Variants in DNAAF10 observed in about 807,000 individuals in gnomAD.
DNAAF10 encodes the protein WD repeat domain 92.
Under a neutral mutation model 43.7 loss-of-function variants are expected in DNAAF10, and 28 were observed. That is an observed-to-expected ratio of 0.64 (90% CI 0.48 to 0.88). The LOEUF is 0.88. DNAAF10 is among the 40% of genes least tolerant of loss of function. DNAAF10 has a pLI of 0.00. For synonymous variants in DNAAF10, 156 were observed against 157.3 expected, an observed-to-expected ratio of 0.99 and a Z score of 0.06; for missense variants, 403 against 439.1, an observed-to-expected ratio of 0.92 and a Z score of 0.73.
rs1673516616 is a variant in DNAAF10 at position 68,153,801 on chromosome 2, G to A, written c.183+3460C>T. 2.1e-5 allele frequency among the ~76,000 whole-genome samples: 3 copies of A among 142,350 alleles called. No individual in the cohort carries two copies. In the Admixed American group the frequency reaches 2.2e-4, roughly 10 times the overall value. 93.4% of individuals were successfully genotyped at this position (142,350 alleles called of 152,430 possible). ...AGAGTCTTCCTCTGTCTTCAGGCTG[G>A]AGTGCAATGGCGCGATCTCGGCTCA... is the stretch of plus-strand genomic sequence containing the variant. On this transcript the variant is annotated intron_variant, in intron 1 of 7. Coordinates refer to ENST00000295121, the MANE Select transcript of DNAAF10 (RefSeq NM_138458.4).
chr2:68,147,546 T>G lies in DNAAF10; in HGVS notation c.205A>C (p.Lys69Gln), dbSNP rs1673348662. 3 of 1,611,510 alleles carry G rather than the reference T, an allele frequency of 1.9e-6. No individual in the cohort carries two copies. The highest frequency in any genetic ancestry group is 2.5e-6 in the Non-Finnish European group (3 of 1,178,960). ...GATGTTGCACCAAATGTTCCACATTTAATAGGTTTGGCCTTTTCAATCTTC... is the reference window on the plus strand; with the variant it reads ...GATGTTGCACCAAATGTTCCACATTGAATAGGTTTGGCCTTTTCAATCTTC... ...LREIEKAKPI[K>Q]CGTFGATSLQ... Residue 69 changes from lysine to glutamine, a missense_variant, in exon 2 of 8, where the codon AAA (lysine) becomes CAA (glutamine). Transcript: ENST00000295121.
At chr2:68,141,642 C>T (rs1026115376) in intron 4 of DNAAF10, 52 bp downstream of exon 4, 15 of 1,533,824 alleles carry the variant, frequency 9.8e-6, no homozygotes, top group East Asian at 6.8e-5. Context: ...CTTGCAGCAT[C>T]GTGCTTTTTA....
chr2:68,143,916 A>G (rs1673251149), intron 3 of DNAAF10, among the ~76,000 whole-genome samples: 1 of 152,214 alleles, frequency 6.6e-6, no homozygotes, highest in Non-Finnish European at 1.5e-5. Context: ...CCACTAGAAA[A>G]TTATATCTCA....
chr2:68,131,500 A>C, intron 7 of DNAAF10, 55 bp from the exon 8 acceptor site: 1 of 1,497,042 alleles, frequency 6.7e-7, no homozygotes, highest in South Asian at 1.1e-5. Flanking sequence ...TCACCATTTT[A>C]TTTTTATACA....
chr2:68,147,364 G>C, intron 2 of DNAAF10, 103 bp downstream of exon 2: 1 of 835,470 alleles, frequency 1.2e-6, no homozygotes, highest in East Asian at 2.7e-5. Context: ...ATGGAACATA[G>C]AAAGATTTTA....
At chr2:68,155,637 G>T (rs769859806) in intron 1 of DNAAF10, among the ~76,000 whole-genome samples, 1 of 151,934 alleles carries the variant, frequency 6.6e-6, no homozygotes, top group Non-Finnish European at 1.5e-5. Context: ...AGGCTGCGAT[G>T]AGCTATGACA....
At chr2:68,141,965 C>T (rs1673190840) in intron 3 of DNAAF10, among the ~76,000 whole-genome samples, 170 bp from the exon 4 acceptor site, 1 of 152,154 alleles carries the variant, frequency 6.6e-6, no homozygotes, top group Non-Finnish European at 1.5e-5. Context: ...TATTTAATAT[C>T]AGAGATATCA....
At chr2:68,147,318 T>C (rs1673341292) in intron 2 of DNAAF10, 149 bp downstream of exon 2, 2 of 559,450 alleles carry the variant, frequency 3.6e-6, no homozygotes, top group Non-Finnish European at 6.1e-6. Flanking sequence ...TCTAGAAATA[T>C]ATATTAGAGA....
At chr2:68,153,745 GTTTTTTT>G (rs35521976) in intron 1 of DNAAF10, among the ~76,000 whole-genome samples, 6 of 78,416 alleles carry the variant, frequency 7.7e-5, no homozygotes, top group Non-Finnish European at 9.2e-5. Context: ...ACACAATGAA[GTTTTTTT>G]TTTTTTTTTT....
At chr2:68,139,416 C>G (rs1391914455) in intron 4 of DNAAF10, among the ~76,000 whole-genome samples, 1 of 152,088 alleles carries the variant, frequency 6.6e-6, no homozygotes, top group Non-Finnish European at 1.5e-5. Context: ...AAATAAAACT[C>G]TTTTCTTTAT....
chr2:68,152,680 T>C (rs925366076), intron 1 of DNAAF10, among the ~76,000 whole-genome samples: 3 of 152,104 alleles, frequency 2.0e-5, no homozygotes, highest in African/African-American at 7.2e-5. Flanking sequence ...AAAATCAATA[T>C]ATACTAACAA....
At position 68,130,115 on chromosome 2, in the gene DNAAF10, G is replaced by GAGAGAGAGATATAT. The variant is rs1453152500; in HGVS notation, c.*1122_*1123insATATATCTCTCTCT. On this transcript the variant is annotated 3_prime_UTR_variant, in exon 8 of 8. Transcript: ENST00000295121. ...CAACCGTGCCGTTTTGAGAGAGAGAGATATATATATATATATTTGTTTTTT... is the reference window on the plus strand; with the variant it reads ...CAACCGTGCCGTTTTGAGAGAGAGAGAGAGAGAGATATATATATATATATATATATTTGTTTTTT... 1 of 132,944 alleles carries GAGAGAGAGATATAT rather than the reference G, an allele frequency of 7.5e-6. No individual in the cohort carries two copies. The highest frequency in any genetic ancestry group is 2.9e-5 in the African/African-American group (1 of 34,308). 8.2% of individuals were successfully genotyped at this position (132,944 alleles called of 1,614,324 possible). A position where few individuals can be genotyped will look rare whatever the true frequency, so the allele number is the denominator to read the frequency against.
chr2:68,142,398 A>G (rs1673206736), intron 3 of DNAAF10, among the ~76,000 whole-genome samples: 1 of 152,134 alleles, frequency 6.6e-6, no homozygotes, highest in Non-Finnish European at 1.5e-5. Context: ...CTGGGACTAC[A>G]GGCATGCACC....
chr2:68,131,398 A>G lies in DNAAF10; in HGVS notation c.914T>C (p.Met305Thr), dbSNP rs766273511. The G allele has an allele frequency of 1.2e-6, 2 of 1,614,082 alleles. No homozygotes were observed. Among genetic ancestry groups the G allele is most frequent in the South Asian group, 1.1e-5 (1 of 91,080 alleles). ...RSKKDSEGIE[M>T]GVAGSVSLLQ... ...AAGGCTTACAGAACCTGCGACTCCC[A>G]TTTCTATTCCCTCAGAATCTTTCTT... is the stretch of plus-strand genomic sequence containing the variant. Residue 305 changes from methionine to threonine, a missense_variant, in exon 8 of 8, where the codon ATG (methionine) becomes ACG (threonine). Physicochemically the swap from Met to Thr is moderately conservative, Grantham distance 81 (BLOSUM62 -1). Transcript: ENST00000295121.
At chr2:68,146,328 A>G (rs1673315946) in intron 2 of DNAAF10, among the ~76,000 whole-genome samples, 1 of 152,226 alleles carries the variant, frequency 6.6e-6, no homozygotes, top group African/African-American at 2.4e-5. Flanking sequence ...ATCATTATGA[A>G]CTAATCAAGA....
At chr2:68,143,398 G>A (rs1673238505) in intron 3 of DNAAF10, among the ~76,000 whole-genome samples, 1 of 152,092 alleles carries the variant, frequency 6.6e-6, no homozygotes, top group South Asian at 2.1e-4. Flanking sequence ...GCCCAGGCTG[G>A]TCTCAAACTC....
intron 6 of DNAAF10, 130 bp from the exon 7 acceptor site, chr2:68,134,929 C>T (rs1377920419): frequency 2.0e-6 from 2 of 1,012,730 alleles, no homozygotes; most frequent in Non-Finnish European, 2.9e-6. Flanking sequence ...TATTTTCTGG[C>T]ACATCTCTTT....
intron 7 of DNAAF10, chr2:68,134,373 C>A (rs1672987278): frequency 9.3e-7 from 1 of 1,078,792 alleles, no homozygotes; most frequent in Non-Finnish European, 1.1e-6. Context: ...GGCAAGGAAC[C>A]CTTTCCCCAT....
At chr2:68,153,682 C>A (rs1178565676) in intron 1 of DNAAF10, among the ~76,000 whole-genome samples, 4 of 151,378 alleles carry the variant, frequency 2.6e-5, no homozygotes, top group Non-Finnish European at 4.4e-5. Flanking sequence ...AGTTACTGGA[C>A]CAGTATTTAA....
Sources: gnomAD v4.1 joint callset for allele counts (sites outside exome capture counted in the v4.1 genomes callset) on GRCh38, gnomAD v4.1.1 for gene constraint, MANE v1.5 for transcripts, NCBI Gene and HGNC (gene_info 2026-07-23, HGNC 2026-07-21) for gene names.